The following OSBP2 variants were observed in gnomAD, a reference collection of about 807,000 sequenced individuals.
OSBP2 encodes oxysterol-binding protein 2.
A neutral mutation model predicts 96.0 loss-of-function variants in OSBP2; 66 were observed. The ratio of observed to expected loss-of-function variants is 0.69; its 90% CI spans 0.56 to 0.84. OSBP2 has a LOEUF of 0.84. Among genes scored for constraint, OSBP2 ranks in the 40% least tolerant of loss-of-function variants. OSBP2 has a pLI of 0.00. For missense variants in OSBP2, 1,038 were observed against 1,222.7 expected, an observed-to-expected ratio of 0.85 and a Z score of 2.25; for synonymous variants, 525 against 520.9, an observed-to-expected ratio of 1.01 and a Z score of -0.11.
chr22:30,857,755 C>G (rs2039107473), intron 2 of OSBP2, among the ~76,000 whole-genome samples: 1 of 152,180 alleles, frequency 6.6e-6, no homozygotes, highest in South Asian at 2.1e-4. Context: ...ACTCCCAGGT[C>G]TGCTTGAGTC....
chr22:30,801,744 C>G (rs574117693), intron 2 of OSBP2, among the ~76,000 whole-genome samples: 1 of 152,130 alleles, frequency 6.6e-6, no homozygotes, highest in Non-Finnish European at 1.5e-5. Context: ...GAGGCTGAGA[C>G]AGCAGAGTCA....
chr22:30,888,004 C>CAGAA (rs2039854741), intron 4 of OSBP2, among the ~76,000 whole-genome samples: 2 of 152,098 alleles, frequency 1.3e-5, no homozygotes, highest in African/African-American at 4.8e-5. Context: ...GGGGGGCTTC[C>CAGAA]AGAAAGAGGC....
intron 3 of OSBP2, among the ~76,000 whole-genome samples, chr22:30,883,494 G>C (rs752372920): frequency 2.6e-5 from 4 of 152,260 alleles, no homozygotes; most frequent in Non-Finnish European, 4.4e-5. Flanking sequence ...AGCAGTGTCA[G>C]AGAGCCCATG....
intron 2 of OSBP2, among the ~76,000 whole-genome samples, chr22:30,854,547 A>T (rs941328226): frequency 4.6e-5 from 7 of 150,948 alleles, no homozygotes; most frequent in Non-Finnish European, 7.4e-5. Flanking sequence ...GATCTCAGGT[A>T]ATCCACCCGC....
intron 2 of OSBP2, among the ~76,000 whole-genome samples, chr22:30,804,279 A>G (rs924384946): frequency 6.6e-6 from 1 of 152,196 alleles, no homozygotes; most frequent in African/African-American, 2.4e-5. Context: ...CTAGATTCCA[A>G]GCCATGTGAG....
chr22:30,790,898 C>T (rs1422091372), intron 2 of OSBP2, among the ~76,000 whole-genome samples: 1 of 152,116 alleles, frequency 6.6e-6, no homozygotes, highest in African/African-American at 2.4e-5. Flanking sequence ...TTTTAAATTC[C>T]TTGCTTGGAA....
At chr22:30,775,549 A>T (rs1171214577) in intron 2 of OSBP2, among the ~76,000 whole-genome samples, 1 of 151,922 alleles carries the variant, frequency 6.6e-6, no homozygotes, top group African/African-American at 2.4e-5. Context: ...CCTGGGAGGC[A>T]GAGAGGTTGC....
Position 30,893,132 on chromosome 22 carries a change from A to ACC in OSBP2, c.1886_1887dup (p.Ser630ProfsTer35). ...TGGGTCTGGTCTCAGGTGAGCCACCACCCCCCCTCAGCTGCGCACTACGTG... is the reference window on the plus strand; with the variant it reads ...TGGGTCTGGTCTCAGGTGAGCCACCACCCCCCCCCTCAGCTGCGCACTACGTG... On this transcript the variant is annotated frameshift_variant, in exon 9 of 14. Transcript: ENST00000332585. LOFTEE classifies it high-confidence loss of function. 1 of 1,612,834 alleles carries ACC rather than the reference A, an allele frequency of 6.2e-7. No individual in the cohort carries two copies. Among genetic ancestry groups the ACC allele is most frequent in the Non-Finnish European group, 8.5e-7 (1 of 1,179,730 alleles).
In OSBP2 at chr22:30,887,504, C is replaced by A. The variant is rs762505623; in HGVS notation, c.1186C>A (p.Arg396Ser). 1 of 1,613,744 alleles carries A rather than the reference C, an allele frequency of 6.2e-7. No individual in the cohort carries two copies. The highest frequency in any genetic ancestry group is 2.2e-5 in the East Asian group (1 of 44,872). Residue 396 changes from arginine to serine, a missense_variant, in exon 4 of 14, where the codon CGC becomes AGC. Arg to Ser is a moderately radical substitution (Grantham distance 110, BLOSUM62 -1). This residue lies in a region of OSBP2 where 737 missense variants were observed against 913.3 expected (regional missense o/e 0.81). Coordinates refer to ENST00000332585, the MANE Select transcript of OSBP2 (RefSeq NM_030758.4). Reference protein sequence around the residue: ...QRALQYEQEQRVHLEETIEQL... With the variant: ...QRALQYEQEQSVHLEETIEQL... ...GGCACTGCAGTATGAGCAGGAGCAG[C>A]GCGTGCACTTGGAGGAAACCATTGA... is the stretch of plus-strand genomic sequence containing the variant.
chr22:30,846,210 A>G (rs924288659), intron 2 of OSBP2, among the ~76,000 whole-genome samples: 2 of 151,892 alleles, frequency 1.3e-5, no homozygotes, highest in Non-Finnish European at 2.9e-5. Context: ...GCAGTGGTGT[A>G]ATCTTGGCTC....
intron 2 of OSBP2, among the ~76,000 whole-genome samples, chr22:30,829,280 T>A (rs1425532061): frequency 6.6e-6 from 1 of 152,186 alleles, no homozygotes; most frequent in Non-Finnish European, 1.5e-5. Context: ...CCTTTACCCC[T>A]ACTTATTTTT....
intron 2 of OSBP2, among the ~76,000 whole-genome samples, chr22:30,778,790 C>T (rs2090473178): frequency 6.6e-6 from 1 of 152,018 alleles, no homozygotes; most frequent in African/African-American, 2.4e-5. Flanking sequence ...AATCCCAACA[C>T]TTTGGAAGGC....
intron 3 of OSBP2, among the ~76,000 whole-genome samples, chr22:30,882,752 G>A (rs1245508558): frequency 6.6e-6 from 1 of 152,198 alleles, no homozygotes; most frequent in African/African-American, 2.4e-5. Context: ...GAGGCTATCA[G>A]CTGCCCGGAT....
At chr22:30,786,084 C>T (rs1200079996) in intron 2 of OSBP2, among the ~76,000 whole-genome samples, 2 of 151,938 alleles carry the variant, frequency 1.3e-5, no homozygotes, top group African/African-American at 4.8e-5. Context: ...AGTGCAATGG[C>T]ACAATCTCGG....
chr22:30,756,719 A>C (rs1458887394), intron 2 of OSBP2, among the ~76,000 whole-genome samples: 1 of 151,828 alleles, frequency 6.6e-6, no homozygotes, highest in Non-Finnish European at 1.5e-5. Flanking sequence ...AACAAAAAAA[A>C]CCTCTTAGAG....
chr22:30,752,019 T>C (rs958201932), intron 2 of OSBP2, among the ~76,000 whole-genome samples: 1 of 152,156 alleles, frequency 6.6e-6, no homozygotes, highest in Non-Finnish European at 1.5e-5. Context: ...CAGAGGGGTC[T>C]GCAAGCTGGG....
intron 2 of OSBP2, among the ~76,000 whole-genome samples, chr22:30,802,438 G>A (rs1370866109): frequency 6.6e-6 from 1 of 152,252 alleles, no homozygotes; most frequent in Non-Finnish European, 1.5e-5. Flanking sequence ...GCGTGTGACT[G>A]GAGAAATGAG....
chr22:30,755,112 C>A (rs1276842453), intron 2 of OSBP2, among the ~76,000 whole-genome samples: 1 of 152,182 alleles, frequency 6.6e-6, no homozygotes, highest in Non-Finnish European at 1.5e-5. Context: ...CTTGTGTCCC[C>A]CTGTGGGCAC....
At chr22:30,801,920 T>C (rs1387047102) in intron 2 of OSBP2, among the ~76,000 whole-genome samples, 2 of 152,276 alleles carry the variant, frequency 1.3e-5, no homozygotes, top group Non-Finnish European at 2.9e-5. Context: ...CAGGCTGCAG[T>C]GAGCTATGAT....
Sources: allele counts gnomAD v4.1 joint callset (sites outside exome capture counted in the v4.1 genomes callset), GRCh38; gene constraint gnomAD v4.1.1; regional missense constraint gnomAD v4.1.1; transcripts MANE v1.5; gene names NCBI Gene and HGNC (gene_info 2026-07-23, HGNC 2026-07-21).